TENM3: variants seen among roughly 807,000 people sequenced by gnomAD.
TENM3 encodes the protein teneurin transmembrane protein 3, also known as teneurin-3.
A neutral mutation model predicts 255.1 loss-of-function variants in TENM3; 63 were observed. The ratio of observed to expected loss-of-function variants is 0.25; its 90% confidence interval spans 0.20 to 0.30. TENM3 has a LOEUF of 0.30. TENM3 is among the 10% of genes least tolerant of loss of function. TENM3 has a pLI of 1.00. For synonymous variants in TENM3, 1,306 were observed against 1,322.3 expected, an observed-to-expected ratio of 0.99 and a Z score of 0.27; for missense variants, 2,929 against 3,461.1, an observed-to-expected ratio of 0.85 and a Z score of 3.86.
the TENM3 span, among the ~76,000 whole-genome samples, chr4:181,687,607 G>A: frequency 6.6e-6 from 1 of 152,270 alleles, no homozygotes; most frequent in East Asian, 1.9e-4. Context: ...CCAGTTGTTA[G>A]ACGCTGGCAG....
the TENM3 span, among the ~76,000 whole-genome samples, chr4:181,536,430 A>G: frequency 1.3e-5 from 2 of 152,360 alleles, no homozygotes; most frequent in East Asian, 1.9e-4. Context: ...AGAGAGGAGC[A>G]TTCTAGAATT....
intron 3 of TENM3, among the ~76,000 whole-genome samples, chr4:182,544,983 A>G (rs946135682): frequency 2.6e-5 from 4 of 152,242 alleles, no homozygotes; most frequent in Non-Finnish European, 5.9e-5. Context: ...AACAGTAGAT[A>G]TTGAAAACGT....
chr4:181,607,635 C>T, the TENM3 span, among the ~76,000 whole-genome samples: 1 of 152,086 alleles, frequency 6.6e-6, no homozygotes, highest in East Asian at 1.9e-4. Context: ...GATCTCCTGA[C>T]CTCGTGATCT....
At chr4:181,772,651 C>T in the TENM3 span, among the ~76,000 whole-genome samples, 1 of 152,072 alleles carries the variant, frequency 6.6e-6, no homozygotes, top group Non-Finnish European at 1.5e-5. Context: ...TATACTCAGC[C>T]CTGAGTTTTA....
chr4:181,540,108 A>T, the TENM3 span, among the ~76,000 whole-genome samples: 1 of 152,126 alleles, frequency 6.6e-6, no homozygotes, highest in Non-Finnish European at 1.5e-5. Context: ...AATAGACGCC[A>T]TGATGAGAAG....
chr4:182,220,912 T>C (rs1275453882), intron 1 of TENM3, among the ~76,000 whole-genome samples: 2 of 152,216 alleles, frequency 1.3e-5, no homozygotes, highest in Admixed American at 6.5e-5. Flanking sequence ...GTAAGTGTTA[T>C]TTAGAAGAAG....
chr4:181,640,332 AAAG>A, the TENM3 span, among the ~76,000 whole-genome samples: 1 of 152,368 alleles, frequency 6.6e-6, no homozygotes, highest in East Asian at 1.9e-4. Flanking sequence ...CATCCTAACA[AAAG>A]AAGCAACTGG....
chr4:181,871,593 G>A, the TENM3 span, among the ~76,000 whole-genome samples: 3 of 152,086 alleles, frequency 2.0e-5, no homozygotes, highest in African/African-American at 4.8e-5. Context: ...TCCATACAAT[G>A]TTGAATAGAA....
the TENM3 span, among the ~76,000 whole-genome samples, chr4:182,094,951 A>G: frequency 1.4e-5 from 2 of 140,790 alleles, no homozygotes; most frequent in Non-Finnish European, 3.2e-5. Flanking sequence ...TAAAAAAAAA[A>G]AAAAAGGAAA....
the TENM3 span, among the ~76,000 whole-genome samples, chr4:182,119,797 C>A: frequency 6.6e-6 from 1 of 152,032 alleles, no homozygotes; most frequent in Non-Finnish European, 1.5e-5. Flanking sequence ...ACCTCAAACT[C>A]CTGGGCTCAA....
At chr4:181,796,575 A>G in the TENM3 span, among the ~76,000 whole-genome samples, 7 of 152,194 alleles carry the variant, frequency 4.6e-5, 1 homozygote, top group South Asian at 1.4e-3. Context: ...CATGTGCACT[A>G]GAGGATGAGC....
intron 3 of TENM3, among the ~76,000 whole-genome samples, chr4:182,369,793 A>G (rs1355737979): frequency 1.3e-5 from 2 of 152,126 alleles, no homozygotes. Flanking sequence ...AGGCAGGGGA[A>G]TTGCTCGAAC....
At chr4:181,699,472 A>AAAAAAAAAAAAAAAAAAAAAAAAAT in the TENM3 span, among the ~76,000 whole-genome samples, 3 of 133,000 alleles carry the variant, frequency 2.3e-5, no homozygotes, top group African/African-American at 9.0e-5. Context: ...AAAAAAAAAA[A>AAAAAAAAAAAAAAAAAAAAAAAAAT]GAAAGAAAGA....
intron 6 of TENM3, among the ~76,000 whole-genome samples, chr4:182,665,392 C>G (rs947119901): frequency 6.6e-6 from 1 of 152,118 alleles, no homozygotes; most frequent in African/African-American, 2.4e-5. Flanking sequence ...TACCTAGTCC[C>G]CCAAGAGCTC....
intron 3 of TENM3, among the ~76,000 whole-genome samples, chr4:182,409,130 T>C (rs1409027116): frequency 6.6e-6 from 1 of 152,136 alleles, no homozygotes; most frequent in Non-Finnish European, 1.5e-5. Flanking sequence ...CCTGGAGACA[T>C]CCACTTTCAG....
At chr4:182,137,343 C>CCCA in the TENM3 span, among the ~76,000 whole-genome samples, 4 of 144,576 alleles carry the variant, frequency 2.8e-5, no homozygotes, top group African/African-American at 1.0e-4. Flanking sequence ...TCCCCCCCCC[C>CCCA]AAAAAGGAAT....
chr4:181,536,526 G>C, the TENM3 span, among the ~76,000 whole-genome samples: 1 of 152,218 alleles, frequency 6.6e-6, no homozygotes, highest in Non-Finnish European at 1.5e-5. Flanking sequence ...AAAAGGCACT[G>C]TATCCTATGG....
the TENM3 span, among the ~76,000 whole-genome samples, chr4:181,820,467 T>A: frequency 6.8e-6 from 1 of 147,598 alleles, no homozygotes; most frequent in Admixed American, 7.0e-5. Context: ...TGGGCACGTT[T>A]AACTAGAAAT....
At chr4:181,605,516 A>T in the TENM3 span, among the ~76,000 whole-genome samples, 979 of 23,532 alleles carry the variant, frequency 0.042, 140 homozygotes, top group Admixed American at 0.29. Context: ...GAAAGAAAGA[A>T]AGAAAGAAAG....
Sources: gnomAD v4.1 joint callset for allele counts (sites outside exome capture counted in the v4.1 genomes callset) on GRCh38, gnomAD v4.1.1 for gene constraint, MANE v1.5 for transcripts, NCBI Gene and HGNC (gene_info 2026-07-23, HGNC 2026-07-21) for gene names.